The following L3MBTL4 variants were observed in gnomAD, a reference collection of about 807,000 sequenced individuals.
L3MBTL4 encodes the protein L3MBTL histone methyl-lysine binding protein 4.
In L3MBTL4, 70 loss-of-function variants were observed where a neutral mutation model predicts 84.5. The observed-to-expected ratio is 0.83, with a 90% confidence interval of 0.68 to 1.01. L3MBTL4 has a LOEUF of 1.01. L3MBTL4 is among the 50% of genes least tolerant of loss of function. The pLI is 0.00. For synonymous variants in L3MBTL4, 274 were observed against 259.8 expected (o/e 1.05, Z -0.52); for missense variants, 715 against 754.8 (o/e 0.95, Z 0.62).
chr18:6,325,190 GA>G (rs912801557), intron 1 of L3MBTL4, among the ~76,000 whole-genome samples: 60 of 152,046 alleles, frequency 3.9e-4, no homozygotes, highest in Admixed American at 1.4e-3. Flanking sequence ...ATGTTAATGG[GA>G]AAAAAATGAA....
At chr18:6,055,205 G>A (rs907741069) in intron 16 of L3MBTL4, among the ~76,000 whole-genome samples, 7 of 152,192 alleles carry the variant, frequency 4.6e-5, no homozygotes, top group Admixed American at 2.0e-4. Flanking sequence ...TGTTCATGAT[G>A]TTTAAAGATA....
At chr18:6,037,120 T>A (rs1389036436) in intron 16 of L3MBTL4, among the ~76,000 whole-genome samples, 1 of 152,156 alleles carries the variant, frequency 6.6e-6, no homozygotes, top group African/African-American at 2.4e-5. Context: ...GAAGCAGCAA[T>A]CAGCAGTCAG....
chr18:6,160,731 CAAAA>C (rs560903489), intron 13 of L3MBTL4, among the ~76,000 whole-genome samples: 1 of 48,464 alleles, frequency 2.1e-5, no homozygotes, highest in African/African-American at 5.9e-5. Context: ...AGATCCGTCT[CAAAA>C]AAAAAAAAAA....
At chr18:6,325,932 C>T (rs1230461705) in intron 1 of L3MBTL4, among the ~76,000 whole-genome samples, 1 of 152,168 alleles carries the variant, frequency 6.6e-6, no homozygotes, top group African/African-American at 2.4e-5. Flanking sequence ...TTCAGCAAGG[C>T]TTGCTCCTTT....
intron 16 of L3MBTL4, among the ~76,000 whole-genome samples, chr18:5,986,373 C>A (rs138275271): frequency 1.3e-5 from 2 of 152,292 alleles, no homozygotes; most frequent in South Asian, 2.1e-4. Context: ...AAACCCGGAA[C>A]CTGACTTCCA....
intron 16 of L3MBTL4, among the ~76,000 whole-genome samples, chr18:6,077,621 G>A (rs1263530894): frequency 7.9e-5 from 12 of 151,766 alleles, no homozygotes; most frequent in East Asian, 3.9e-4. Context: ...CAGAATCTGC[G>A]TGTGCATCTA....
chr18:6,336,826 C>T, intron 1 of L3MBTL4, among the ~76,000 whole-genome samples: 1 of 152,282 alleles, frequency 6.6e-6, no homozygotes, highest in Non-Finnish European at 1.5e-5. Flanking sequence ...GATAATATGA[C>T]TTAAAACTAG....
At chr18:6,241,588 C>T (rs1463194038) in intron 7 of L3MBTL4, 139 bp from the exon 8 acceptor site, 4 of 533,554 alleles carry the variant, frequency 7.5e-6, no homozygotes, top group Non-Finnish European at 1.0e-5. Context: ...TTTGCACCAA[C>T]CTCATATGGT....
intron 16 of L3MBTL4, among the ~76,000 whole-genome samples, chr18:5,992,607 G>T (rs2053755179): frequency 6.6e-6 from 1 of 152,200 alleles, no homozygotes; most frequent in South Asian, 2.1e-4. Context: ...GAATTATGGA[G>T]GAAGATCCCT....
At chr18:5,988,581 G>T (rs1174060009) in intron 16 of L3MBTL4, among the ~76,000 whole-genome samples, 1 of 152,028 alleles carries the variant, frequency 6.6e-6, no homozygotes, top group African/African-American at 2.4e-5. Flanking sequence ...TAAATGTTAG[G>T]CCACTAGACA....
intron 12 of L3MBTL4, among the ~76,000 whole-genome samples, chr18:6,173,997 A>C (rs2044103896): frequency 6.6e-6 from 1 of 152,118 alleles, no homozygotes; most frequent in Admixed American, 6.5e-5. Flanking sequence ...AATTTGACTG[A>C]GACACCACAA....
intron 12 of L3MBTL4, among the ~76,000 whole-genome samples, chr18:6,202,045 T>C (rs2045670243): frequency 6.6e-6 from 1 of 152,138 alleles, no homozygotes; most frequent in South Asian, 2.1e-4. Flanking sequence ...GTCACCAACT[T>C]TCAGCCAGTC....
chr18:6,377,715 C>T (rs1043483448), intron 1 of L3MBTL4, among the ~76,000 whole-genome samples: 1 of 152,112 alleles, frequency 6.6e-6, no homozygotes, highest in African/African-American at 2.4e-5. Context: ...CTTTACCCAG[C>T]CTATCATTGA....
intron 13 of L3MBTL4, among the ~76,000 whole-genome samples, chr18:6,141,314 T>C (rs1371086269): frequency 6.6e-6 from 1 of 152,054 alleles, no homozygotes; most frequent in African/African-American, 2.4e-5. Flanking sequence ...TCAGGCAACA[T>C]CCTCAAGGTT....
chr18:6,385,662 A>C (rs1367681814), intron 1 of L3MBTL4, among the ~76,000 whole-genome samples: 1 of 152,264 alleles, frequency 6.6e-6, no homozygotes, highest in African/African-American at 2.4e-5. Context: ...GTTATTCCAC[A>C]TATTAAGCCT....
At chr18:6,061,114 T>C (rs1241299525) in intron 16 of L3MBTL4, among the ~76,000 whole-genome samples, 2 of 152,180 alleles carry the variant, frequency 1.3e-5, no homozygotes, top group Non-Finnish European at 2.9e-5. Flanking sequence ...AAAGCGGCTG[T>C]ACCATTTTGC....
At chr18:6,182,714 G>T (rs375572541) in intron 12 of L3MBTL4, among the ~76,000 whole-genome samples, 6 of 152,062 alleles carry the variant, frequency 3.9e-5, no homozygotes, top group East Asian at 1.9e-4. Context: ...GTTTATTTTT[G>T]TACATGGTGT....
chr18:6,083,166 T>C (rs2058137331), intron 15 of L3MBTL4, among the ~76,000 whole-genome samples: 1 of 152,134 alleles, frequency 6.6e-6, no homozygotes, highest in Non-Finnish European at 1.5e-5. Flanking sequence ...CACCTTCCAA[T>C]AGCGTACAGT....
chr18:6,062,171 G>C (rs944876987), intron 16 of L3MBTL4, among the ~76,000 whole-genome samples: 4 of 151,862 alleles, frequency 2.6e-5, no homozygotes, highest in Admixed American at 6.6e-5. Context: ...AGTTCTACTG[G>C]AGACAAATTT....
Sources: allele counts gnomAD v4.1 joint callset (sites outside exome capture counted in the v4.1 genomes callset), GRCh38; gene constraint gnomAD v4.1.1; transcripts MANE v1.5; gene names NCBI Gene and HGNC (gene_info 2026-07-23, HGNC 2026-07-21).